Variants in SLC52A3 observed in about 807,000 individuals in gnomAD.
SLC52A3 encodes solute carrier family 52 member 3.
Under a neutral mutation model 29.5 loss-of-function variants are expected in SLC52A3, and 20 were observed. The observed-to-expected ratio is 0.68, with a 90% CI of 0.48 to 0.99. The LOEUF is 0.99. SLC52A3 is among the 50% of genes least tolerant of loss of function. The probability of loss-of-function intolerance (pLI) is 0.00; values close to 1 mark genes in which losing one functional copy is unlikely to be tolerated. For synonymous variants in SLC52A3, 301 were observed against 271.0 expected (o/e 1.11, Z -1.09); for missense variants, 548 against 612.9 (o/e 0.89, Z 1.12).
At chr20:763,108 AG>A (rs1490049222) in intron 3 of SLC52A3, among the ~76,000 whole-genome samples, 2 of 152,246 alleles carry the variant, frequency 1.3e-5, no homozygotes, top group African/African-American at 4.8e-5. Context: ...TCCAAGCCTC[AG>A]GGTTTCCCCT....
chr20:771,832 T>C (rs954018834), upstream of SLC52A3, among the ~76,000 whole-genome samples: 5 of 152,202 alleles, frequency 3.3e-5, no homozygotes, highest in African/African-American at 7.2e-5. Context: ...ACTATCTGTA[T>C]TCTGAATATT....
rs765671032 is a variant in SLC52A3, at chr20:765,647, T to C, written c.128A>G (p.Tyr43Cys). The C allele has an allele frequency of 6.2e-7, 1 of 1,607,362 alleles. No individual in the cohort carries two copies. The change falls in exon 2 of 5, where the codon TAC (tyrosine) becomes TGC (cysteine). Residue 43 changes from tyrosine (Y) to cysteine (C), a missense_variant. Tyr to Cys is a radical substitution (Grantham distance 194). Coordinates refer to ENST00000645534, the MANE Select transcript of SLC52A3 (RefSeq NM_033409.4). The surrounding 1 kb of genome is among the most constrained non-coding windows in gnomAD (Gnocchi z 6.6). ...GGCCAGCTGGATGACCACCGTGAGG[T>C]AGGAGGGCAGGTACCAGCCCTCGGG... Reference protein sequence around the residue: ...ELPEGWYLPSYLTVVIQLANI... With the variant: ...ELPEGWYLPSCLTVVIQLANI...
chr20:764,130 T>A, intron 2 of SLC52A3, 127 bp from the exon 3 acceptor site: 1 of 1,073,802 alleles, frequency 9.3e-7, no homozygotes, highest in Non-Finnish European at 1.3e-6. Context: ...TAAACATAAC[T>A]AACAAGGTGG....
upstream of SLC52A3, among the ~76,000 whole-genome samples, chr20:769,092 T>G (rs192533774): frequency 4.2e-4 from 64 of 152,318 alleles, no homozygotes; most frequent in African/African-American, 1.5e-3. Context: ...GAATCTGACA[T>G]TTTGAAGGTG....
upstream of SLC52A3, among the ~76,000 whole-genome samples, chr20:771,264 A>G (rs1986834216): frequency 6.6e-6 from 1 of 152,166 alleles, no homozygotes. Flanking sequence ...TGTCTTTACC[A>G]AAAACACAAA....
Position 765,917 on chromosome 20 carries a change from C to T in SLC52A3, c.-51-92G>A. The T allele has an allele frequency of 1.3e-6, 1 of 753,490 alleles. No homozygotes were observed. The highest frequency in any genetic ancestry group is 2.2e-6 in the Non-Finnish European group (1 of 454,104). 46.7% of individuals were successfully genotyped at this position (753,490 alleles called of 1,614,324 possible). On this transcript the variant is annotated intron_variant, in intron 1 of 4. Coordinates refer to ENST00000645534, the MANE Select transcript of SLC52A3 (RefSeq NM_033409.4). The surrounding 1 kb of genome is among the most constrained non-coding windows in gnomAD (Gnocchi z 6.6). ...GCCCAGAGTTTTCTCTTATTACTCC[C>T]CTTCCTGTGAACAAGCTGGCTTTTT...
At chr20:775,233 G>C (rs1986976235) in intron 1 of SLC52A3, among the ~76,000 whole-genome samples, 1 of 151,244 alleles carries the variant, frequency 6.6e-6, no homozygotes, top group Non-Finnish European at 1.5e-5. Flanking sequence ...AGATAGCATG[G>C]AGATGGCCCT....
At chr20:770,159 T>A (rs1313665430), upstream of SLC52A3, among the ~76,000 whole-genome samples, 1 of 152,068 alleles carries the variant, frequency 6.6e-6, no homozygotes, top group Middle Eastern at 3.4e-3. This position sits in a 1 kb window ranked among gnomAD's most constrained non-coding sequence, Gnocchi z 4.5. Flanking sequence ...ACTGCTGTTT[T>A]TTTTTTTTTT....
chr20:765,393 G>T lies in SLC52A3; in HGVS notation c.382C>A (p.Pro128Thr). 6.2e-7 allele frequency: 1 copy of T among 1,614,136 alleles called. No individual in the cohort carries two copies. Among genetic ancestry groups the T allele is most frequent in the South Asian group, 1.1e-5 (1 of 91,076 alleles). ...VDCTSSVTFL[P>T]FMSRLPTYYL... ...TAGGTGGGCAGCCGGCTCATGAACG[G>T]CAGGAAGGTCACTGAAGAGGTGCAG... The change falls in exon 2 of 5, where the codon CCG becomes ACG. Residue 128 changes from proline (P) to threonine (T), a missense_variant. Around this residue, in one of 2 missense-constraint regions of SLC52A3, gnomAD observed 375 missense variants for 471.1 expected, o/e 0.80. Transcript: ENST00000645534. This position sits in a 1 kb window ranked among gnomAD's most constrained non-coding sequence, Gnocchi z 6.6.
chr20:769,351 C>A (rs1250117792), upstream of SLC52A3, among the ~76,000 whole-genome samples: 1 of 152,172 alleles, frequency 6.6e-6, no homozygotes, highest in Non-Finnish European at 1.5e-5. Flanking sequence ...CTCTCCCCTG[C>A]GGTAACATCT....
upstream of SLC52A3, among the ~76,000 whole-genome samples, chr20:770,301 CGTG>C (rs1418946100): frequency 6.6e-6 from 1 of 151,974 alleles, no homozygotes; most frequent in African/African-American, 2.4e-5. This position sits in a 1 kb window ranked among gnomAD's most constrained non-coding sequence, Gnocchi z 4.5. Flanking sequence ...GGATTACAGG[CGTG>C]CACCACAATG....
chr20:777,224 A>G (rs1987068898), upstream of SLC52A3, among the ~76,000 whole-genome samples: 1 of 151,658 alleles, frequency 6.6e-6, no homozygotes, highest in Non-Finnish European at 1.5e-5. Flanking sequence ...CAATAGAGCA[A>G]GACTCTGTCT....
chr20:776,182 C>G (rs1987021832), upstream of SLC52A3, among the ~76,000 whole-genome samples: 1 of 152,182 alleles, frequency 6.6e-6, no homozygotes, highest in African/African-American at 2.4e-5. Context: ...TTGAGGCTCT[C>G]TGCCACCCAG....
upstream of SLC52A3, among the ~76,000 whole-genome samples, chr20:771,064 T>A (rs1249151742): frequency 6.6e-6 from 1 of 152,260 alleles, no homozygotes; most frequent in East Asian, 1.9e-4. Flanking sequence ...TGTTTAATGT[T>A]GTTGTTAAAT....
At chr20:778,237 A>G (rs1000530052), upstream of SLC52A3, among the ~76,000 whole-genome samples, 2 of 152,006 alleles carry the variant, frequency 1.3e-5, no homozygotes, top group Non-Finnish European at 2.9e-5. Context: ...CTGGTCCCGA[A>G]CTCCTGACCT....
chr20:761,863 C>G, intron 3 of SLC52A3, 39 bp from the exon 4 acceptor site: 1 of 1,613,788 alleles, frequency 6.2e-7, no homozygotes, highest in Non-Finnish European at 8.5e-7. Flanking sequence ...GGTGAGAAGC[C>G]TGACCTCTGA....
intron 1 of SLC52A3, among the ~76,000 whole-genome samples, chr20:775,724 G>A (rs754047442): frequency 3.9e-5 from 6 of 152,114 alleles, no homozygotes; most frequent in Admixed American, 6.5e-5. Context: ...GGCTCAGCCT[G>A]TCCTGACTCC....
upstream of SLC52A3, among the ~76,000 whole-genome samples, chr20:770,527 A>G (rs1599964136): frequency 6.6e-6 from 1 of 152,234 alleles, no homozygotes; most frequent in African/African-American, 2.4e-5. This position sits in a 1 kb window ranked among gnomAD's most constrained non-coding sequence, Gnocchi z 4.5. Context: ...TCTAACCAGA[A>G]CTAACATCAG....
In SLC52A3 at chr20:765,290, C is replaced by CCGGA. The variant is rs1383679424; in HGVS notation, c.481_484dup (p.Gly162ValfsTer11). 6.2e-7 allele frequency: 1 copy of CCGGA among 1,614,142 alleles called. No homozygotes were observed. Among genetic ancestry groups the CCGGA allele is most frequent in the Non-Finnish European group, 8.5e-7 (1 of 1,180,036 alleles). ...AGTGACATTGACGCAGGTAGTGAGA[C>CCGGA]CGGAGCCCTGGGCAAGAGCCACCAG... On this transcript the variant is annotated frameshift_variant, in exon 2 of 5. Transcript: ENST00000645534. LOFTEE classifies it high-confidence loss of function. The surrounding 1 kb of genome is among the most constrained non-coding windows in gnomAD (Gnocchi z 6.6).
Sources: allele counts gnomAD v4.1 joint callset (sites outside exome capture counted in the v4.1 genomes callset), GRCh38; gene constraint gnomAD v4.1.1; regional missense constraint gnomAD v4.1.1; non-coding constraint Gnocchi (gnomAD v3.1); transcripts MANE v1.5; gene names NCBI Gene and HGNC (gene_info 2026-07-23, HGNC 2026-07-21).